The following RNF6 variants were observed in gnomAD, a reference collection of about 807,000 sequenced individuals.
RNF6 encodes the protein ring finger protein 6, also known as E3 ubiquitin-protein ligase RNF6.
A neutral mutation model predicts 50.1 loss-of-function variants in RNF6; 21 were observed. The ratio of observed to expected loss-of-function variants is 0.42; its 90% CI spans 0.30 to 0.60. The LOEUF (loss-of-function observed/expected upper bound fraction) is 0.60. Among genes scored for constraint, RNF6 ranks in the 20% least tolerant of loss-of-function variants. The pLI is 0.20. For missense variants in RNF6, 698 were observed against 838.2 expected (o/e 0.83, Z 2.07); for synonymous variants, 255 against 291.8 (o/e 0.87, Z 1.29).
At chr13:26,199,883 G>A (rs1290761148) in intron 5 of RNF6, among the ~76,000 whole-genome samples, 1 of 152,128 alleles carries the variant, frequency 6.6e-6, no homozygotes, top group Non-Finnish European at 1.5e-5. Flanking sequence ...ATTAGGAAGT[G>A]GGGCCTTTGG....
At chr13:26,162,569 T>C (rs1369946129) in intron 5 of RNF6, among the ~76,000 whole-genome samples, 6 of 152,202 alleles carry the variant, frequency 3.9e-5, no homozygotes, top group African/African-American at 1.4e-4. Context: ...GCAGAACTAC[T>C]GTCAAAATGA....
At chr13:26,185,153 T>C (rs1028009109) in intron 5 of RNF6, among the ~76,000 whole-genome samples, 2 of 151,942 alleles carry the variant, frequency 1.3e-5, no homozygotes, top group East Asian at 3.9e-4. Flanking sequence ...CACACCACCA[T>C]GCCCGGCTAA....
chr13:26,162,199 C>T (rs1872245509), intron 5 of RNF6, among the ~76,000 whole-genome samples: 1 of 152,028 alleles, frequency 6.6e-6, no homozygotes, highest in Non-Finnish European at 1.5e-5. Flanking sequence ...CTTGTGCACC[C>T]CAGGAAGGGG....
chr13:26,134,152 A>G (rs1308781334), intron 5 of RNF6, among the ~76,000 whole-genome samples: 1 of 152,186 alleles, frequency 6.6e-6, no homozygotes, highest in African/African-American at 2.4e-5. Flanking sequence ...ACCTTTCCTG[A>G]TACTTTCCTG....
At chr13:26,192,914 A>G (rs781713245) in intron 5 of RNF6, among the ~76,000 whole-genome samples, 2 of 152,224 alleles carry the variant, frequency 1.3e-5, no homozygotes, top group Non-Finnish European at 2.9e-5. Context: ...CTGTAATATA[A>G]TAAACGTGGT....
intron 5 of RNF6, among the ~76,000 whole-genome samples, chr13:26,141,576 G>A (rs1314253936): frequency 6.6e-6 from 1 of 152,000 alleles, no homozygotes; most frequent in Non-Finnish European, 1.5e-5. Context: ...AAATAAAGCA[G>A]CATATCGACA....
At chr13:26,136,145 C>T (rs887505752) in intron 5 of RNF6, among the ~76,000 whole-genome samples, 10 of 152,172 alleles carry the variant, frequency 6.6e-5, no homozygotes, top group Admixed American at 5.2e-4. Context: ...CTACAAACAA[C>T]CACTTCACCA....
chr13:26,220,913 T>C (rs1193465962), intron 2 of RNF6, among the ~76,000 whole-genome samples: 1 of 152,246 alleles, frequency 6.6e-6, no homozygotes, highest in Non-Finnish European at 1.5e-5. Flanking sequence ...TAAGCAACTA[T>C]TCAATTTCAC....
chr13:26,158,841 T>C (rs1032002778), intron 5 of RNF6, among the ~76,000 whole-genome samples: 1 of 152,170 alleles, frequency 6.6e-6, no homozygotes, highest in Admixed American at 6.6e-5. Flanking sequence ...CAAGTTTTTT[T>C]CCCCATTATT....
At chr13:26,138,022 G>A (rs1224074872) in intron 5 of RNF6, among the ~76,000 whole-genome samples, 1 of 151,980 alleles carries the variant, frequency 6.6e-6, no homozygotes, top group Non-Finnish European at 1.5e-5. Context: ...GACTCCAAGT[G>A]GTATATACTC....
chr13:26,169,204 C>T (rs532085066), intron 5 of RNF6, among the ~76,000 whole-genome samples: 13 of 152,242 alleles, frequency 8.5e-5, no homozygotes, highest in African/African-American at 3.1e-4. Context: ...GCACCCCATC[C>T]CCTCCCTGCT....
intron 5 of RNF6, among the ~76,000 whole-genome samples, chr13:26,176,706 G>C (rs1872972431): frequency 6.6e-6 from 1 of 152,254 alleles, no homozygotes; most frequent in South Asian, 2.1e-4. Context: ...GCCGAGGCAG[G>C]TGGAACACCT....
intron 5 of RNF6, among the ~76,000 whole-genome samples, chr13:26,171,781 T>A (rs1872706565): frequency 6.6e-6 from 1 of 152,170 alleles, no homozygotes; most frequent in Admixed American, 6.5e-5. Flanking sequence ...CTTGGTGAAA[T>A]AAGCCAGACA....
At position 26,213,955 on chromosome 13, in the gene RNF6, T is replaced by A; in HGVS notation, c.1927A>T (p.Asn643Tyr). 1 of 1,614,218 alleles carries A rather than the reference T, an allele frequency of 6.2e-7. No homozygotes were observed. Among genetic ancestry groups the A allele is most frequent in the Non-Finnish European group, 8.5e-7 (1 of 1,180,030 alleles). The change falls in exon 5 of 5, where the codon AAC (asparagine) becomes TAC (tyrosine). Residue 643 changes from asparagine (N) to tyrosine (Y), a missense_variant. By Grantham distance (143) the Asn-to-Tyr change is moderately radical. Coordinates refer to ENST00000381588, the MANE Select transcript of RNF6 (RefSeq NM_005977.4). ...ATGCAAGGTAATTGCCTGAGCTTGTTTCCAGTTACATAGTCACTAATACAA... is the reference window on the plus strand; with the variant it reads ...ATGCAAGGTAATTGCCTGAGCTTGTATCCAGTTACATAGTCACTAATACAA... The part of the protein sequence containing the change: ...SVCISDYVTG[N>Y]KLRQLPCMHE...
At chr13:26,170,873 C>T (rs952630063) in intron 5 of RNF6, among the ~76,000 whole-genome samples, 1 of 152,130 alleles carries the variant, frequency 6.6e-6, no homozygotes, top group Non-Finnish European at 1.5e-5. Flanking sequence ...CAAAAGAATA[C>T]AGTTTGATCC....
chr13:26,163,885 C>T (rs769436344), intron 5 of RNF6, among the ~76,000 whole-genome samples: 7 of 152,134 alleles, frequency 4.6e-5, no homozygotes, highest in Non-Finnish European at 7.3e-5. Context: ...AGCCAGGTAA[C>T]CAAGGGCAAA....
chr13:26,172,765 G>T (rs1463889867), intron 5 of RNF6, among the ~76,000 whole-genome samples: 1 of 152,146 alleles, frequency 6.6e-6, no homozygotes, highest in East Asian at 1.9e-4. Flanking sequence ...GGATGGTCTC[G>T]ATCTCCTGAC....
chr13:26,205,404 G>A (rs958007697), intron 5 of RNF6, among the ~76,000 whole-genome samples: 10 of 152,204 alleles, frequency 6.6e-5, no homozygotes, highest in Admixed American at 2.6e-4. Flanking sequence ...AATCACTGAA[G>A]TTGTAATCCT....
intron 5 of RNF6, among the ~76,000 whole-genome samples, chr13:26,141,060 A>G (rs926713120): frequency 3.9e-5 from 6 of 152,212 alleles, no homozygotes; most frequent in African/African-American, 1.4e-4. Context: ...ACCCAAATTG[A>G]TCTACAGATT....
Sources: gnomAD v4.1 joint callset for allele counts (sites outside exome capture counted in the v4.1 genomes callset) on GRCh38, gnomAD v4.1.1 for gene constraint, MANE v1.5 for transcripts, NCBI Gene and HGNC (gene_info 2026-07-23, HGNC 2026-07-21) for gene names.